Variants in LRP4 observed in about 807,000 individuals in gnomAD.
LRP4 encodes LDL receptor related protein 4, also known as low-density lipoprotein receptor-related protein 4.
Under a neutral mutation model 220.3 loss-of-function variants are expected in LRP4, and 95 were observed. The observed-to-expected ratio is 0.43, with a 90% confidence interval of 0.37 to 0.51. The LOEUF (loss-of-function observed/expected upper bound fraction) is 0.51. Among genes scored for constraint, LRP4 ranks in the 20% least tolerant of loss-of-function variants. The pLI is 0.00. For synonymous variants in LRP4, 903 were observed against 954.6 expected, an observed-to-expected ratio of 0.95 and a Z score of 1.00; for missense variants, 1,925 against 2,567.0, an observed-to-expected ratio of 0.75 and a Z score of 5.40.
In LRP4 at chr11:46,902,842, G is replaced by A; in HGVS notation, c.140C>T (p.Ala47Val). Reference protein sequence around the residue: ...SALGECTCIPAQWQCDGDNDC... With the variant: ...SALGECTCIPVQWQCDGDNDC... ...ATTGTCTCCATCACACTGCCACTGG[G>A]CAGGGATGCAGGTACACTCTCCAAG... Residue 47 changes from alanine to valine, a missense_variant, in exon 2 of 38, where the codon GCC becomes GTC. Physicochemically the swap from Ala to Val is moderately conservative, Grantham distance 64 (BLOSUM62 0). Around this residue, in one of 3 missense-constraint regions of LRP4, gnomAD observed 412 missense variants for 505.4 expected, o/e 0.82. Transcript: ENST00000378623. The A allele has an allele frequency of 6.2e-7, 1 of 1,614,068 alleles. No individual in the cohort carries two copies. The highest frequency in any genetic ancestry group is 8.5e-7 in the Non-Finnish European group (1 of 1,180,016).
chr11:46,877,723 C>G (rs1181691913), intron 22 of LRP4, among the ~76,000 whole-genome samples: 2 of 152,122 alleles, frequency 1.3e-5, no homozygotes, highest in Non-Finnish European at 2.9e-5. Flanking sequence ...CCACCTCAGC[C>G]TCCTAAAGTG....
intron 34 of LRP4, among the ~76,000 whole-genome samples, chr11:46,866,853 G>A (rs142435119): frequency 4.6e-5 from 7 of 152,122 alleles, no homozygotes; most frequent in Non-Finnish European, 5.9e-5. Context: ...CCAGGAGGTC[G>A]AGGGTGCAGT....
At position 46,893,088 on chromosome 11, in the gene LRP4, T is replaced by C; in HGVS notation, c.1582A>G (p.Thr528Ala). Residue 528 changes from threonine (T) to alanine (A), a missense_variant, in exon 13 of 38, where the codon ACC (threonine) becomes GCC (alanine). Around this residue, in one of 3 missense-constraint regions of LRP4, gnomAD observed 269 missense variants for 436.7 expected, o/e 0.62. Transcript: ENST00000378623. Reference sequence around the variant, plus strand: ...TCAATCCTCGAGGTGCCTGAGTCGGTCCAGTAGAGTTTGTCATGGACCCAA... The same window carrying C: ...TCAATCCTCGAGGTGCCTGAGTCGGCCCAGTAGAGTTTGTCATGGACCCAA... ...VDWVHDKLYW[T>A]DSGTSRIEVA... 1 of 1,614,100 alleles carries C rather than the reference T, an allele frequency of 6.2e-7. No individual in the cohort carries two copies.
rs1250722882 is a variant in LRP4 at position 46,899,077 on chromosome 11, G to A, written c.548-45C>T. On this transcript the variant is annotated intron_variant, in intron 5 of 37. Coordinates refer to ENST00000378623, the MANE Select transcript of LRP4 (RefSeq NM_002334.4). This position sits in a 1 kb window ranked among gnomAD's most constrained non-coding sequence, Gnocchi z 5.9. ...GGGGAGGGGCACACACTCAGGCCTGGATGAAGGAGAGGGGCCCTGATTCCT... is the reference window on the plus strand; with the variant it reads ...GGGGAGGGGCACACACTCAGGCCTGAATGAAGGAGAGGGGCCCTGATTCCT... 6.3e-7 allele frequency: 1 copy of A among 1,581,824 alleles called. No individual in the cohort carries two copies. The highest frequency in any genetic ancestry group is 1.3e-5 in the African/African-American group (1 of 74,466).
intron 19 of LRP4, 86 bp downstream of exon 19, chr11:46,883,785 C>A: frequency 1.9e-6 from 2 of 1,043,488 alleles, no homozygotes; most frequent in Non-Finnish European, 1.5e-6. Flanking sequence ...AAGATCTGGT[C>A]ACTCTTCCTA....
rs1345953622 is a variant in LRP4 at position 46,893,083 on chromosome 11, G to A, written c.1587C>T (p.Asp529=). ...CCACCTCAATCCTCGAGGTGCCTGA[G>A]TCGGTCCAGTAGAGTTTGTCATGGA... The part of the protein sequence containing the change: ...DWVHDKLYWT[D]SGTSRIEVAN... Residue 529 remains aspartate, a synonymous_variant, in exon 13 of 38, where the codon GAC becomes GAT. Coordinates refer to ENST00000378623, the MANE Select transcript of LRP4 (RefSeq NM_002334.4). 1.2e-6 allele frequency: 2 copies of A among 1,614,106 alleles called. No individual in the cohort carries two copies. The highest frequency in any genetic ancestry group is 1.7e-6 in the Non-Finnish European group (2 of 1,180,034).
intron 7 of LRP4, among the ~76,000 whole-genome samples, chr11:46,897,945 G>A (rs1381511897): frequency 1.4e-5 from 2 of 141,414 alleles, no homozygotes; most frequent in Admixed American, 1.4e-4. Context: ...TCCCAGTAGG[G>A]GCGGCCGGGC....
chr11:46,875,566 G>T lies in LRP4; in HGVS notation c.3815C>A (p.Thr1272Asn). 6.2e-7 allele frequency: 1 copy of T among 1,614,124 alleles called. No individual in the cohort carries two copies. Among genetic ancestry groups the T allele is most frequent in the Non-Finnish European group, 8.5e-7 (1 of 1,180,026 alleles). The change falls in exon 27 of 38, where the codon ACT becomes AAT. Residue 1272 changes from threonine to asparagine, a missense_variant. This residue lies in a region of LRP4 where 1,244 missense variants were observed against 1,624.9 expected (regional missense o/e 0.77). Coordinates refer to ENST00000378623, the MANE Select transcript of LRP4 (RefSeq NM_002334.4). This position sits in a 1 kb window ranked among gnomAD's most constrained non-coding sequence, Gnocchi z 4.5. Reference sequence around the variant, plus strand: ...CTTGTCAGCACGGTGGATGCTCCGAGTCTGCCAGTCAGTCCAGTAGATATA... The same window carrying T: ...CTTGTCAGCACGGTGGATGCTCCGATTCTGCCAGTCAGTCCAGTAGATATA... ...DSYIYWTDWQ[T>N]RSIHRADKGT...
chr11:46,911,546 G>A (rs933530613), intron 1 of LRP4, among the ~76,000 whole-genome samples: 1 of 146,688 alleles, frequency 6.8e-6, no homozygotes, highest in African/African-American at 2.6e-5. Flanking sequence ...CTATGATCAT[G>A]CCACTGCACT....
chr11:46,897,563 G>T (rs912417791), intron 7 of LRP4, among the ~76,000 whole-genome samples: 1 of 149,590 alleles, frequency 6.7e-6, no homozygotes, highest in South Asian at 2.1e-4. Flanking sequence ...AGATTAGGGA[G>T]TGGTGATGAC....
intron 2 of LRP4, 145 bp from the exon 3 acceptor site, chr11:46,900,523 G>A (rs767370215): frequency 4.4e-6 from 3 of 681,106 alleles, no homozygotes; most frequent in Admixed American, 4.1e-5. Flanking sequence ...CCAGGTTGGA[G>A]TACAGTGGCG....
Position 46,868,131 on chromosome 11 carries a change from A to G in LRP4, c.4952-17T>C. ...GGCCAGGCACTAGACAAAAAAGAGG[A>G]TTGGAGTGGGCCACTGGAACCATAA... On this transcript the variant is annotated splice_polypyrimidine_tract_variant and intron_variant, in intron 33 of 37. Coordinates refer to ENST00000378623, the MANE Select transcript of LRP4 (RefSeq NM_002334.4). The G allele has an allele frequency of 4.3e-6, 7 of 1,613,894 alleles. No individual in the cohort carries two copies. Among genetic ancestry groups the G allele is most frequent in the Non-Finnish European group, 5.9e-6 (7 of 1,179,976 alleles).
At position 46,902,841 on chromosome 11, in the gene LRP4, G is replaced by C. The variant is rs543418199; in HGVS notation, c.141C>G (p.Ala47=). The change falls in exon 2 of 38, where the codon GCC becomes GCG. Residue 47 remains alanine, a synonymous_variant. Coordinates refer to ENST00000378623, the MANE Select transcript of LRP4 (RefSeq NM_002334.4). The part of the protein sequence containing the change: ...SALGECTCIP[A]QWQCDGDNDC... ...CATTGTCTCCATCACACTGCCACTGGGCAGGGATGCAGGTACACTCTCCAA... is the reference window on the plus strand; with the variant it reads ...CATTGTCTCCATCACACTGCCACTGCGCAGGGATGCAGGTACACTCTCCAA... The C allele has an allele frequency of 3.7e-4, 594 of 1,614,090 alleles. 8 individuals carry two copies. In the South Asian group the frequency reaches 6.4e-3, roughly 17 times the overall value.
Position 46,877,192 on chromosome 11 carries a change from T to C in LRP4, c.3277+7A>G, listed in dbSNP as rs769170846. 1.3e-5 allele frequency: 21 copies of C among 1,613,632 alleles called. No individual in the cohort carries two copies. In the East Asian group the frequency reaches 4.2e-4, roughly 33 times the overall value. The stretch of plus-strand genomic sequence containing the variant: ...AAGGCCAGGTGGGAAGAGAGGGCCA[T>C]ACAGACCTTCCTGGGGGTCTACTCC... On this transcript the variant is annotated splice_region_variant and intron_variant, in intron 23 of 37. Coordinates refer to ENST00000378623, the MANE Select transcript of LRP4 (RefSeq NM_002334.4).
At chr11:46,909,986 T>C (rs1312688561) in intron 1 of LRP4, among the ~76,000 whole-genome samples, 1 of 152,190 alleles carries the variant, frequency 6.6e-6, no homozygotes, top group Non-Finnish European at 1.5e-5. Context: ...TGTTTCTACT[T>C]ATTTCTGTCC....
chr11:46,903,700 T>C (rs1222663861), intron 1 of LRP4, among the ~76,000 whole-genome samples: 1 of 152,122 alleles, frequency 6.6e-6, no homozygotes, highest in Non-Finnish European at 1.5e-5. Context: ...CAAGAACTAA[T>C]GGTGGAATTA....
chr11:46,887,051 C>T (rs1941309315), intron 16 of LRP4, among the ~76,000 whole-genome samples: 1 of 152,198 alleles, frequency 6.6e-6, no homozygotes, highest in African/African-American at 2.4e-5. Flanking sequence ...TTCTTATTCC[C>T]ATTTTCTAGA....
intron 30 of LRP4, among the ~76,000 whole-genome samples, chr11:46,872,239 GAGTT>G: frequency 1.3e-5 from 2 of 152,126 alleles, no homozygotes; most frequent in South Asian, 4.1e-4. Flanking sequence ...CTGGGCAAAA[GAGTT>G]AGACTCTGTC....
At chr11:46,885,991 G>A (rs1941285063) in intron 18 of LRP4, 100 bp downstream of exon 18, 2 of 993,492 alleles carry the variant, frequency 2.0e-6, no homozygotes, top group Non-Finnish European at 3.2e-6. Flanking sequence ...GAAGACAGAA[G>A]TGGTCCAGGA....
Sources: gnomAD v4.1 joint callset for allele counts (sites outside exome capture counted in the v4.1 genomes callset) on GRCh38, gnomAD v4.1.1 for gene constraint, gnomAD v4.1.1 regional missense constraint, Gnocchi (gnomAD v3.1) non-coding constraint, MANE v1.5 for transcripts, NCBI Gene and HGNC (gene_info 2026-07-23, HGNC 2026-07-21) for gene names.